BICC1: variants seen among roughly 807,000 people sequenced by gnomAD.
BICC1 encodes the protein protein bicaudal C homolog 1.
A neutral mutation model predicts 111.0 loss-of-function variants in BICC1; 43 were observed. The ratio of observed to expected loss-of-function variants is 0.39; its 90% CI spans 0.30 to 0.50. BICC1 has a LOEUF of 0.50. Ranked by LOEUF, BICC1 falls within the 20% of genes least tolerant of loss-of-function variation. BICC1 has a pLI of 0.88. For synonymous variants in BICC1, 467 were observed against 434.4 expected (o/e 1.07, Z -0.93); for missense variants, 1,091 against 1,203.2 (o/e 0.91, Z 1.38).
chr10:58,798,513 G>A lies in BICC1; in HGVS notation c.1481G>A (p.Ser494Asn). The A allele has an allele frequency of 6.2e-7, 1 of 1,612,264 alleles. No homozygotes were observed. Among genetic ancestry groups the A allele is most frequent in the Non-Finnish European group, 8.5e-7 (1 of 1,179,228 alleles). ...PLQSPSSGTP[S>N]PTLWAPPLAN... ...CAAAGTCCAAGTTCTGGTACACCCA[G>A]CCCCACATTATGGGCACCCCCACTT... The change falls in exon 11 of 21, where the codon AGC (serine) becomes AAC (asparagine). Residue 494 changes from serine to asparagine, a missense_variant. Physicochemically the swap from Ser to Asn is conservative, Grantham distance 46 (BLOSUM62 1). Transcript: ENST00000373886.
chr10:58,823,691 C>A (rs898730358), intron 20 of BICC1: 4 of 984,820 alleles, frequency 4.1e-6, no homozygotes, highest in African/African-American at 3.5e-5. Flanking sequence ...TTTTTCTTTG[C>A]TGTAAAGTGG....
At chr10:58,560,360 A>T (rs949365440) in intron 1 of BICC1, among the ~76,000 whole-genome samples, 1 of 152,056 alleles carries the variant, frequency 6.6e-6, no homozygotes, top group African/African-American at 2.4e-5. Context: ...AAAGTTGTTC[A>T]TAACAAGCGC....
At chr10:58,818,454 T>A (rs1844163250) in intron 19 of BICC1, among the ~76,000 whole-genome samples, 1 of 152,168 alleles carries the variant, frequency 6.6e-6, no homozygotes, top group Non-Finnish European at 1.5e-5. Context: ...CAAGACATGG[T>A]CCATGTTTGA....
At chr10:58,713,762 A>C (rs1190025847) in intron 3 of BICC1, among the ~76,000 whole-genome samples, 1 of 152,220 alleles carries the variant, frequency 6.6e-6, no homozygotes, top group Non-Finnish European at 1.5e-5. Context: ...ATCTTGGGTA[A>C]TTCCTCACCT....
At chr10:58,773,932 A>G (rs932746293) in intron 3 of BICC1, among the ~76,000 whole-genome samples, 1 of 152,224 alleles carries the variant, frequency 6.6e-6, no homozygotes, top group Non-Finnish European at 1.5e-5. Context: ...TTCTTTAAAG[A>G]AAGAGCAGTA....
intron 20 of BICC1, among the ~76,000 whole-genome samples, chr10:58,822,245 T>G (rs553460267): frequency 6.6e-6 from 1 of 152,224 alleles, no homozygotes; most frequent in East Asian, 1.9e-4. Flanking sequence ...CACTAGAGAT[T>G]CATGGAATAG....
At chr10:58,824,111 G>T (rs564172075) in intron 20 of BICC1, 2 of 983,328 alleles carry the variant, frequency 2.0e-6, no homozygotes, top group Non-Finnish European at 1.2e-6. Context: ...TGGAACTATC[G>T]ATTTCTCAGA....
At chr10:58,715,848 G>C in intron 3 of BICC1, 1 of 1,244,570 alleles carries the variant, frequency 8.0e-7, no homozygotes, top group Non-Finnish European at 1.1e-6. Context: ...AAAAAGAAAA[G>C]AAGAAATCTG....
At chr10:58,656,944 T>A (rs1564535583) in intron 2 of BICC1, among the ~76,000 whole-genome samples, 1 of 152,156 alleles carries the variant, frequency 6.6e-6, no homozygotes, top group Non-Finnish European at 1.5e-5. Context: ...GGTCACACAC[T>A]GGTTGGACAT....
intron 1 of BICC1, among the ~76,000 whole-genome samples, chr10:58,594,861 A>AT (rs1368177169): frequency 2.6e-5 from 4 of 152,348 alleles, no homozygotes; most frequent in African/African-American, 9.6e-5. Flanking sequence ...ACAGGATCAA[A>AT]TTCACACATA....
intron 3 of BICC1, among the ~76,000 whole-genome samples, chr10:58,780,854 T>G (rs1399020112): frequency 6.6e-6 from 1 of 152,210 alleles, no homozygotes; most frequent in Non-Finnish European, 1.5e-5. Flanking sequence ...TTGAAATACT[T>G]TATTTTTATT....
At chr10:58,570,083 G>A (rs1016988857) in intron 1 of BICC1, among the ~76,000 whole-genome samples, 1 of 152,038 alleles carries the variant, frequency 6.6e-6, no homozygotes, top group African/African-American at 2.4e-5. Context: ...ATGTTTTGGG[G>A]GAAAATATTT....
intron 1 of BICC1, among the ~76,000 whole-genome samples, chr10:58,548,858 G>A (rs559308628): frequency 1.3e-5 from 2 of 152,112 alleles, no homozygotes; most frequent in South Asian, 2.1e-4. Context: ...TTTTGTTTTA[G>A]TTTACTTTGG....
At chr10:58,648,706 G>T in intron 2 of BICC1, 4 of 967,702 alleles carry the variant, frequency 4.1e-6, no homozygotes, top group Non-Finnish European at 4.9e-6. Flanking sequence ...AATCCTCTCT[G>T]TTGTTTGACC....
intron 1 of BICC1, among the ~76,000 whole-genome samples, chr10:58,513,804 A>G (rs571134258): frequency 1.3e-5 from 2 of 152,084 alleles, no homozygotes; most frequent in Non-Finnish European, 2.9e-5. Context: ...TTGTCTCACT[A>G]TTGGGAAACG....
chr10:58,590,343 G>A (rs1335641512), intron 1 of BICC1, among the ~76,000 whole-genome samples: 1 of 152,150 alleles, frequency 6.6e-6, no homozygotes, highest in African/African-American at 2.4e-5. Context: ...TAAACTGCCT[G>A]CTTGTGCTAA....
intron 3 of BICC1, among the ~76,000 whole-genome samples, chr10:58,730,010 C>T (rs577504704): frequency 6.6e-6 from 1 of 152,302 alleles, no homozygotes; most frequent in Admixed American, 6.5e-5. Context: ...GCCTTCCCAA[C>T]AGTCCCCCAA....
At chr10:58,601,158 AT>A (rs1845020562) in intron 1 of BICC1, among the ~76,000 whole-genome samples, 3 of 138,558 alleles carry the variant, frequency 2.2e-5, no homozygotes, top group African/African-American at 5.2e-5. Context: ...ATATATATAT[AT>A]ATATATATAT....
chr10:58,622,526 T>C (rs1845851429), intron 2 of BICC1, among the ~76,000 whole-genome samples: 1 of 152,256 alleles, frequency 6.6e-6, no homozygotes, highest in Non-Finnish European at 1.5e-5. Flanking sequence ...GTTAGAGTCA[T>C]AGATTCTATT....
Sources: allele counts gnomAD v4.1 joint callset (sites outside exome capture counted in the v4.1 genomes callset), GRCh38; gene constraint gnomAD v4.1.1; transcripts MANE v1.5; gene names NCBI Gene and HGNC (gene_info 2026-07-23, HGNC 2026-07-21).